The following OTOG variants were observed in gnomAD, a reference collection of about 807,000 sequenced individuals.
OTOG encodes otogelin.
Under a neutral mutation model 313.8 loss-of-function variants are expected in OTOG, and 296 were observed. The ratio of observed to expected loss-of-function variants is 0.94; its 90% CI spans 0.86 to 1.04. The LOEUF is 1.04. Ranked by LOEUF, OTOG falls within the 50% of genes least tolerant of loss-of-function variation. The pLI is 0.00. For synonymous variants in OTOG, 1,533 were observed against 1,554.9 expected (o/e 0.99, Z 0.33); for missense variants, 3,948 against 3,840.1 (o/e 1.03, Z -0.74).
In OTOG at chr11:17,558,220, A is replaced by G. The variant is rs1269402093; in HGVS notation, c.901A>G (p.Ser301Gly). 6.5e-7 allele frequency: 1 copy of G among 1,550,386 alleles called. No homozygotes were observed. Among genetic ancestry groups the G allele is most frequent in the Non-Finnish European group, 8.7e-7 (1 of 1,146,942 alleles). Residue 301 changes from serine (S) to glycine (G), a missense_variant, in exon 9 of 56, where the codon AGC (serine) becomes GGC (glycine). By Grantham distance (56) the Ser-to-Gly change is moderately conservative. Coordinates refer to ENST00000399397, the MANE Select transcript of OTOG (RefSeq NM_001292063.2). ...TGACGACGTGGTTGAGTTTGTGCACAGCTGGCAGGAGCAGGCCCCTAACCA... is the reference window on the plus strand; with the variant it reads ...TGACGACGTGGTTGAGTTTGTGCACGGCTGGCAGGAGCAGGCCCCTAACCA... ...LTDDVVEFVHSWQEQAPNQPP... is the reference protein window; with the variant it reads ...LTDDVVEFVHGWQEQAPNQPP...
rs1416201829 is a variant in OTOG, at chr11:17,638,449, A to G, written c.7796-2A>G. 1 of 1,546,240 alleles carries G rather than the reference A, an allele frequency of 6.5e-7. No individual in the cohort carries two copies. Among genetic ancestry groups the G allele is most frequent in the Non-Finnish European group, 8.7e-7 (1 of 1,146,160 alleles). ...GTGTCAACTGCCTCTCCTTCCCCAC[A>G]GTGTGTGAGAACTTCCGCTGTCCCC... On this transcript the variant is annotated splice_acceptor_variant, in intron 47 of 55. Coordinates refer to ENST00000399397, the MANE Select transcript of OTOG (RefSeq NM_001292063.2). LOFTEE classifies it high-confidence loss of function.
Position 17,573,212 on chromosome 11 carries a change from G to T in OTOG, c.2215G>T (p.Ala739Ser). 6.5e-7 allele frequency: 1 copy of T among 1,537,420 alleles called. No homozygotes were observed. The highest frequency in any genetic ancestry group is 8.7e-7 in the Non-Finnish European group (1 of 1,146,510). ...CCGCTGCGGGCAGCCCTGCCTGTGCGCCACACTGGCCCACTACGCCCACCT... is the reference window on the plus strand; with the variant it reads ...CCGCTGCGGGCAGCCCTGCCTGTGCTCCACACTGGCCCACTACGCCCACCT... The part of the protein sequence containing the change: ...ACRCGQPCLC[A>S]TLAHYAHLCR... The change falls in exon 19 of 56, where the codon GCC becomes TCC. Residue 739 changes from alanine to serine, a missense_variant. By Grantham distance (99) the Ala-to-Ser change is moderately conservative. Transcript: ENST00000399397.
intron 27 of OTOG, 127 bp from the exon 28 acceptor site, chr11:17,593,920 C>A: frequency 7.0e-7 from 1 of 1,420,162 alleles, no homozygotes; most frequent in Non-Finnish European, 9.5e-7. Context: ...CTCCATCCCT[C>A]TTCAAACTGT....
chr11:17,586,989 T>G (rs1852809493), intron 24 of OTOG, among the ~76,000 whole-genome samples: 1 of 152,212 alleles, frequency 6.6e-6, no homozygotes, highest in African/African-American at 2.4e-5. Context: ...AATTAGAAAT[T>G]TGTTTATGTA....
At chr11:17,594,620 G>T (rs145649720) in intron 28 of OTOG, among the ~76,000 whole-genome samples, 46 of 152,290 alleles carry the variant, frequency 3.0e-4, no homozygotes, top group East Asian at 7.7e-4. Flanking sequence ...CAGAGATAAG[G>T]TCTCTGAGAG....
intron 33 of OTOG, 126 bp from the exon 34 acceptor site, chr11:17,608,170 T>C: frequency 1.6e-6 from 1 of 627,510 alleles, no homozygotes; most frequent in Middle Eastern, 3.5e-4. Flanking sequence ...GTGTGGTTTT[T>C]TCCCCATTTG....
Position 17,616,451 on chromosome 11 carries a change from T to A in OTOG, c.6528+2750T>A, listed in dbSNP as rs536564918. On this transcript the variant is annotated intron_variant, in intron 39 of 55. Coordinates refer to ENST00000399397, the MANE Select transcript of OTOG (RefSeq NM_001292063.2). ...TCCTGGAATTTTGAGTTGCATTCAA[T>A]ATATAGATTATTTGGGAGAAGAATA... is the stretch of plus-strand genomic sequence containing the variant. 3.3e-5 allele frequency among the ~76,000 whole-genome samples: 5 copies of A among 152,356 alleles called. No homozygotes were observed. In the South Asian group the frequency reaches 1.0e-3, roughly 32 times the overall value.
chr11:17,553,752 C>T (rs897396750), intron 6 of OTOG, among the ~76,000 whole-genome samples: 2 of 152,230 alleles, frequency 1.3e-5, no homozygotes, highest in African/African-American at 4.8e-5. Flanking sequence ...CAAGTATTTA[C>T]TAAGTGCATA....
chr11:17,612,381 C>G (rs1853582770), intron 37 of OTOG, 51 bp downstream of exon 37: 4 of 1,479,602 alleles, frequency 2.7e-6, no homozygotes, highest in Non-Finnish European at 2.7e-6. Context: ...TATCCTTACC[C>G]CAGCATGACC....
chr11:17,636,438 G>A (rs1367838789), intron 47 of OTOG, among the ~76,000 whole-genome samples: 1 of 152,142 alleles, frequency 6.6e-6, no homozygotes, highest in Non-Finnish European at 1.5e-5. Flanking sequence ...GATAATAGGA[G>A]AAGCATGAGG....
intron 39 of OTOG, among the ~76,000 whole-genome samples, chr11:17,627,478 T>C (rs1366023669): frequency 1.3e-5 from 2 of 152,198 alleles, no homozygotes; most frequent in African/African-American, 4.8e-5. Context: ...TTTGATGTAT[T>C]GTTGAATTCA....
In OTOG at chr11:17,611,185, C is replaced by T. The variant is rs1853533145; in HGVS notation, c.5885C>T (p.Thr1962Ile). ...GCAGGCACAGCTCTGCCAGTGCCCA[C>T]ATCCTATGCCCTGAGCCGTGTCTCA... ...AQAGTALPVP[T>I]SYALSRVSAR... The change falls in exon 36 of 56, where the codon ACA becomes ATA. Residue 1962 changes from threonine (T) to isoleucine (I), a missense_variant. By Grantham distance (89) the Thr-to-Ile change is moderately conservative. Coordinates refer to ENST00000399397, the MANE Select transcript of OTOG (RefSeq NM_001292063.2). 6.4e-7 allele frequency: 1 copy of T among 1,550,454 alleles called. No homozygotes were observed.
chr11:17,634,628 G>A (rs947595929), intron 44 of OTOG, among the ~76,000 whole-genome samples: 2 of 152,156 alleles, frequency 1.3e-5, no homozygotes, highest in Non-Finnish European at 2.9e-5. Flanking sequence ...GAGATGGGGT[G>A]CGTGTCAATG....
chr11:17,611,184 A>T lies in OTOG; in HGVS notation c.5884A>T (p.Thr1962Ser). 4.5e-6 allele frequency: 7 copies of T among 1,550,504 alleles called. No homozygotes were observed. Among genetic ancestry groups the T allele is most frequent in the Non-Finnish European group, 6.1e-6 (7 of 1,146,996 alleles). ...GGCAGGCACAGCTCTGCCAGTGCCC[A>T]CATCCTATGCCCTGAGCCGTGTCTC... ...AQAGTALPVP[T>S]SYALSRVSAR... Residue 1962 changes from threonine to serine, a missense_variant, in exon 36 of 56, where the codon ACA becomes TCA. Transcript: ENST00000399397.
intron 27 of OTOG, 53 bp downstream of exon 27, chr11:17,593,809 T>C: frequency 6.5e-7 from 1 of 1,530,824 alleles, no homozygotes. Flanking sequence ...AGCCAAGCCC[T>C]GGGTGTCCTT....
At position 17,610,906 on chromosome 11, in the gene OTOG, C is replaced by G; in HGVS notation, c.5606C>G (p.Ala1869Gly). The change falls in exon 36 of 56, where the codon GCA (alanine) becomes GGA (glycine). Residue 1869 changes from alanine (A) to glycine (G), a missense_variant. By Grantham distance (60) the Ala-to-Gly change is moderately conservative (BLOSUM62 0). Transcript: ENST00000399397. ...CCACCCACTCACATAGCACCCCCAGCAGCAGGCACAGCTCCAGGCCTGCTG... is the reference window on the plus strand; with the variant it reads ...CCACCCACTCACATAGCACCCCCAGGAGCAGGCACAGCTCCAGGCCTGCTG... Reference protein sequence around the residue: ...AHPPTHIAPPAAGTAPGLLLG... With the variant: ...AHPPTHIAPPGAGTAPGLLLG... 1 of 1,550,576 alleles carries G rather than the reference C, an allele frequency of 6.4e-7. No homozygotes were observed.
intron 33 of OTOG, 82 bp downstream of exon 33, chr11:17,606,217 T>C: frequency 7.0e-7 from 1 of 1,422,948 alleles, no homozygotes; most frequent in Non-Finnish European, 9.3e-7. Flanking sequence ...ACTTCACCCT[T>C]CCAATTACCC....
chr11:17,622,447 G>C (rs1211854744), intron 39 of OTOG, among the ~76,000 whole-genome samples: 5 of 151,916 alleles, frequency 3.3e-5, no homozygotes, highest in African/African-American at 9.7e-5. Flanking sequence ...TCACCCTGTT[G>C]TGCTATCAAA....
Position 17,608,388 on chromosome 11 carries a change from G to A in OTOG, c.4249G>A (p.Ala1417Thr), listed in dbSNP as rs1340772401. ...CTTCCAAACCTGCCGGGACCCACGG[G>A]CAGCCAGCTGCCGGGACGTACCCAG... ...PCFQTCRDPR[A>T]ASCRDVPRVE... Residue 1417 changes from alanine to threonine, a missense_variant, in exon 34 of 56, where the codon GCA becomes ACA. Transcript: ENST00000399397. The A allele has an allele frequency of 3.2e-6, 5 of 1,544,940 alleles. No individual in the cohort carries two copies. The highest frequency in any genetic ancestry group is 4.4e-6 in the Non-Finnish European group (5 of 1,144,818).
Sources: gnomAD v4.1 joint callset for allele counts (sites outside exome capture counted in the v4.1 genomes callset) on GRCh38, gnomAD v4.1.1 for gene constraint, MANE v1.5 for transcripts, NCBI Gene and HGNC (gene_info 2026-07-23, HGNC 2026-07-21) for gene names.